The following BMERB1 variants were observed in gnomAD, a reference collection of about 807,000 sequenced individuals.
The protein encoded by BMERB1 is bMERB domain containing 1.
In BMERB1, 12 loss-of-function variants were observed where a neutral mutation model predicts 23.6. That is an observed-to-expected ratio of 0.51 (90% CI 0.33 to 0.82). The LOEUF (loss-of-function observed/expected upper bound fraction) is 0.82. Among genes scored for constraint, BMERB1 ranks in the 40% least tolerant of loss-of-function variants. BMERB1 has a pLI of 0.03. For synonymous variants in BMERB1, 122 were observed against 96.6 expected (o/e 1.26, Z -1.54); for missense variants, 247 against 255.4 (o/e 0.97, Z 0.22).
intron 2 of BMERB1, among the ~76,000 whole-genome samples, chr16:15,559,106 CATT>C (rs748735061): frequency 3.9e-5 from 6 of 152,068 alleles, no homozygotes; most frequent in Non-Finnish European, 8.8e-5. Context: ...CACTATATGT[CATT>C]ATGTTACATA....
chr16:15,529,499 C>T (rs1452522652), intron 2 of BMERB1, among the ~76,000 whole-genome samples: 1 of 152,124 alleles, frequency 6.6e-6, no homozygotes, highest in Non-Finnish European at 1.5e-5. Context: ...GCAATCCTTT[C>T]CTTAGAAGCC....
chr16:15,553,973 C>T (rs992524851), intron 2 of BMERB1, among the ~76,000 whole-genome samples: 8 of 152,062 alleles, frequency 5.3e-5, no homozygotes, highest in South Asian at 4.1e-4. Flanking sequence ...TTCTTTACAA[C>T]GCAGACACAT....
chr16:15,474,792 G>T (rs557991567), intron 1 of BMERB1, among the ~76,000 whole-genome samples: 1 of 151,990 alleles, frequency 6.6e-6, no homozygotes, highest in African/African-American at 2.4e-5. Flanking sequence ...GTGTTCAAGC[G>T]ATTCTCCTGC....
chr16:15,504,607 TC>T (rs1405262445), intron 1 of BMERB1, among the ~76,000 whole-genome samples: 2 of 151,822 alleles, frequency 1.3e-5, no homozygotes, highest in Non-Finnish European at 2.9e-5. Flanking sequence ...TGCCACCACA[TC>T]TGGCTAATGT....
chr16:15,445,596 T>C (rs1449615436), intron 1 of BMERB1, among the ~76,000 whole-genome samples: 1 of 152,158 alleles, frequency 6.6e-6, no homozygotes, highest in Non-Finnish European at 1.5e-5. Flanking sequence ...CTGAGATATG[T>C]AGCCACTGGA....
At chr16:15,459,538 C>G (rs2051118054) in intron 1 of BMERB1, among the ~76,000 whole-genome samples, 1 of 152,106 alleles carries the variant, frequency 6.6e-6, no homozygotes, top group Non-Finnish European at 1.5e-5. Flanking sequence ...CAAAGAGGGA[C>G]ATTTTATAGT....
intron 2 of BMERB1, among the ~76,000 whole-genome samples, chr16:15,529,135 C>A (rs2051942146): frequency 6.6e-6 from 1 of 152,176 alleles, no homozygotes; most frequent in Non-Finnish European, 1.5e-5. Flanking sequence ...CGCCATTCTC[C>A]TGCCTCAGCC....
intron 2 of BMERB1, among the ~76,000 whole-genome samples, chr16:15,547,518 G>T (rs904520236): frequency 6.6e-6 from 1 of 151,234 alleles, no homozygotes. Context: ...AATTTTTTTT[G>T]TATTTTTAGG....
At chr16:15,472,670 A>G (rs557260854) in intron 1 of BMERB1, among the ~76,000 whole-genome samples, 6 of 142,294 alleles carry the variant, frequency 4.2e-5, no homozygotes, top group Admixed American at 2.2e-4. Flanking sequence ...ATATTGCTGG[A>G]TAATGTTTTC....
intron 2 of BMERB1, among the ~76,000 whole-genome samples, chr16:15,542,678 A>T (rs1820251989): frequency 7.0e-6 from 1 of 142,398 alleles, no homozygotes; most frequent in Non-Finnish European, 1.5e-5. Context: ...ATGAGATAAG[A>T]TACATAAAAA....
At chr16:15,567,452 T>G (rs558034889) in intron 2 of BMERB1, among the ~76,000 whole-genome samples, 1 of 152,200 alleles carries the variant, frequency 6.6e-6, no homozygotes, top group East Asian at 1.9e-4. Context: ...GAGGTGTTAT[T>G]AACAGTGACT....
chr16:15,532,525 G>A (rs2051978045), intron 2 of BMERB1, among the ~76,000 whole-genome samples: 1 of 147,996 alleles, frequency 6.8e-6, no homozygotes, highest in Non-Finnish European at 1.5e-5. Flanking sequence ...ACTATGCCCG[G>A]CCTTTTTTTT....
intron 2 of BMERB1, among the ~76,000 whole-genome samples, chr16:15,565,976 C>G (rs565213451): frequency 6.6e-6 from 1 of 152,172 alleles, no homozygotes; most frequent in Admixed American, 6.5e-5. Flanking sequence ...CACAGTGATT[C>G]CACTTCTGAG....
chr16:15,553,263 C>T (rs938230020), intron 2 of BMERB1, among the ~76,000 whole-genome samples: 1 of 152,230 alleles, frequency 6.6e-6, no homozygotes, highest in Non-Finnish European at 1.5e-5. Flanking sequence ...CTGCCTCGGC[C>T]TCCCGAAGTG....
chr16:15,559,304 G>A (rs998952249), intron 2 of BMERB1, among the ~76,000 whole-genome samples: 1 of 152,218 alleles, frequency 6.6e-6, no homozygotes, highest in African/African-American at 2.4e-5. Context: ...CTTCCATCAA[G>A]GCAGGGCAGG....
chr16:15,557,234 C>T (rs903868453), intron 2 of BMERB1, among the ~76,000 whole-genome samples: 5 of 152,116 alleles, frequency 3.3e-5, no homozygotes, highest in East Asian at 3.9e-4. Flanking sequence ...CTTTTCCTTC[C>T]GAACATTAAT....
chr16:15,473,702 A>G (rs1223329578), intron 1 of BMERB1, among the ~76,000 whole-genome samples: 1 of 152,218 alleles, frequency 6.6e-6, no homozygotes, highest in Non-Finnish European at 1.5e-5. Context: ...TTTTTGCCAG[A>G]TATAGAATTC....
chr16:15,509,659 C>G (rs559916377), intron 1 of BMERB1, among the ~76,000 whole-genome samples: 2 of 152,250 alleles, frequency 1.3e-5, no homozygotes, highest in Non-Finnish European at 2.9e-5. Flanking sequence ...TCCCTCACCC[C>G]CTGGTGACTC....
intron 1 of BMERB1, among the ~76,000 whole-genome samples, chr16:15,474,827 A>T (rs2051261559): frequency 6.6e-6 from 1 of 152,034 alleles, no homozygotes; most frequent in African/African-American, 2.4e-5. Flanking sequence ...TAGCTGGGAT[A>T]CAGGCATGCA....
Sources: allele counts gnomAD v4.1 joint callset (sites outside exome capture counted in the v4.1 genomes callset), GRCh38; gene constraint gnomAD v4.1.1; transcripts MANE v1.5; gene names NCBI Gene and HGNC (gene_info 2026-07-23, HGNC 2026-07-21).